SEMA3A: variants seen among roughly 807,000 people sequenced by gnomAD.
SEMA3A encodes the protein semaphorin-3A.
Under a neutral mutation model 97.9 loss-of-function variants are expected in SEMA3A, and 29 were observed. That is an observed-to-expected ratio of 0.30 (90% CI 0.22 to 0.40). The LOEUF is 0.40. SEMA3A is among the 10% of genes least tolerant of loss of function. The pLI is 1.00. For missense variants in SEMA3A, 763 were observed against 951.3 expected (o/e 0.80, Z 2.60); for synonymous variants, 321 against 323.7 (o/e 0.99, Z 0.09).
At chr7:84,212,710 G>C (rs555595176) in intron 3 of SEMA3A, among the ~76,000 whole-genome samples, 1 of 152,158 alleles carries the variant, frequency 6.6e-6, no homozygotes, top group African/African-American at 2.4e-5. Flanking sequence ...TGGATAGGAA[G>C]TTTAAAATGA....
At chr7:84,250,138 G>A (rs1254245009) in intron 3 of SEMA3A, among the ~76,000 whole-genome samples, 3 of 151,712 alleles carry the variant, frequency 2.0e-5, no homozygotes. Context: ...ACTGGTGTGT[G>A]ATTTCTTTTG....
At chr7:84,165,615 C>G (rs1354036988) in intron 1 of SEMA3A, among the ~76,000 whole-genome samples, 1 of 152,068 alleles carries the variant, frequency 6.6e-6, no homozygotes, top group African/African-American at 2.4e-5. Context: ...TGCAGTGTCG[C>G]GATCTCAGCT....
chr7:84,266,513 T>G (rs1800007815), intron 3 of SEMA3A, among the ~76,000 whole-genome samples: 1 of 151,874 alleles, frequency 6.6e-6, no homozygotes, highest in African/African-American at 2.4e-5. Flanking sequence ...AGAAGCCAGA[T>G]TTTGAGTTAA....
intron 11 of SEMA3A, among the ~76,000 whole-genome samples, chr7:84,004,891 G>A (rs1242392338): frequency 6.6e-6 from 1 of 152,100 alleles, no homozygotes; most frequent in African/African-American, 2.4e-5. Flanking sequence ...GGTTTGAACT[G>A]TGTGGGTCCA....
chr7:84,424,231 A>T (rs1341615248), intron 1 of SEMA3A, among the ~76,000 whole-genome samples: 1 of 150,456 alleles, frequency 6.6e-6, no homozygotes, highest in Non-Finnish European at 1.5e-5. Flanking sequence ...GCAAAGATAC[A>T]GGATGACCCT....
chr7:84,055,870 T>C (rs977673758), intron 5 of SEMA3A, among the ~76,000 whole-genome samples: 1 of 152,228 alleles, frequency 6.6e-6, no homozygotes, highest in Non-Finnish European at 1.5e-5. Context: ...TTGAGATACA[T>C]ACTTTAGAGC....
At chr7:84,334,444 T>G (rs891478869) in intron 2 of SEMA3A, among the ~76,000 whole-genome samples, 3 of 152,156 alleles carry the variant, frequency 2.0e-5, no homozygotes, top group African/African-American at 7.2e-5. Flanking sequence ...AATGTATAAT[T>G]ACATAAATAA....
chr7:84,095,358 C>CATATATATATATATATATATATATATAT (rs200107086), intron 4 of SEMA3A, among the ~76,000 whole-genome samples: 1 of 122,902 alleles, frequency 8.1e-6, no homozygotes, highest in Non-Finnish European at 1.6e-5. Context: ...TTTTTATATA[C>CATATATATATATATATATATATATATAT]ATATATATAT....
chr7:84,383,101 A>G (rs941690141), intron 1 of SEMA3A, among the ~76,000 whole-genome samples: 1 of 152,136 alleles, frequency 6.6e-6, no homozygotes, highest in Non-Finnish European at 1.5e-5. Flanking sequence ...GCCTAAGAAG[A>G]TATGAATAAA....
At chr7:84,076,643 T>G (rs1282516278) in intron 4 of SEMA3A, among the ~76,000 whole-genome samples, 1 of 152,154 alleles carries the variant, frequency 6.6e-6, no homozygotes, top group East Asian at 1.9e-4. Flanking sequence ...AACATGGTCT[T>G]CATGTTACAC....
intron 6 of SEMA3A, among the ~76,000 whole-genome samples, chr7:84,023,837 C>T (rs1354340884): frequency 2.6e-5 from 4 of 151,848 alleles, no homozygotes; most frequent in African/African-American, 7.3e-5. Context: ...GGTGAAACCC[C>T]GTCTCTACTA....
intron 2 of SEMA3A, among the ~76,000 whole-genome samples, chr7:84,133,876 T>C (rs1287521367): frequency 1.6e-5 from 2 of 123,706 alleles, no homozygotes; most frequent in African/African-American, 6.4e-5. Flanking sequence ...CGGTGAAACC[T>C]CGTCTCTACT....
chr7:83,972,567 G>A (rs1788962758), intron 15 of SEMA3A, among the ~76,000 whole-genome samples: 2 of 152,006 alleles, frequency 1.3e-5, no homozygotes, highest in Non-Finnish European at 2.9e-5. Flanking sequence ...TTCCCCAAGA[G>A]ATATGATGGG....
At chr7:84,108,978 G>A (rs9770599) in intron 4 of SEMA3A, among the ~76,000 whole-genome samples, 15 of 150,972 alleles carry the variant, frequency 9.9e-5, no homozygotes, top group African/African-American at 3.2e-4. Flanking sequence ...AATTCCTGAC[G>A]CATGTAAAAA....
chr7:84,243,133 G>A (rs1799404172), intron 3 of SEMA3A, among the ~76,000 whole-genome samples: 1 of 152,164 alleles, frequency 6.6e-6, no homozygotes, highest in Non-Finnish European at 1.5e-5. Flanking sequence ...TCTCTGCCAG[G>A]TTTTGGTATC....
intron 7 of SEMA3A, 137 bp downstream of exon 7, chr7:84,014,072 T>C: frequency 1.5e-6 from 1 of 675,272 alleles, no homozygotes; most frequent in Non-Finnish European, 2.5e-6. Context: ...ATTCAATCAT[T>C]ATTTACCATT....
chr7:84,194,675 G>C lies in SEMA3A; in HGVS notation c.-89C>G. ...AGTTCAAACAATCTGGAAACTGGAG[G>C]TAACAGGTGATTTAGGTCAGTTTCA... On this transcript the variant is annotated 5_prime_UTR_variant, in exon 1 of 17. Coordinates refer to ENST00000265362, the MANE Select transcript of SEMA3A (RefSeq NM_006080.3). The C allele has an allele frequency of 1.3e-6, 1 of 791,668 alleles. No individual in the cohort carries two copies. The highest frequency in any genetic ancestry group is 2.2e-6 in the Non-Finnish European group (1 of 459,428). The allele number at this position is 791,668 out of a possible 1,614,324, so 49.0% of individuals were successfully genotyped here. A position where few individuals can be genotyped will look rare whatever the true frequency, so the allele number is the denominator to read the frequency against.
At chr7:84,135,067 T>G (rs780278896) in intron 1 of SEMA3A, 116 bp from the exon 2 acceptor site, 7 of 709,900 alleles carry the variant, frequency 9.9e-6, no homozygotes, top group Non-Finnish European at 1.6e-5. Context: ...TCAGTGCTTA[T>G]TCTTCAGGGT....
intron 1 of SEMA3A, among the ~76,000 whole-genome samples, chr7:84,183,836 C>A (rs1797801123): frequency 6.6e-6 from 1 of 151,978 alleles, no homozygotes; most frequent in Admixed American, 6.6e-5. Flanking sequence ...ATGATATGAA[C>A]AAAAGAGCAT....
Sources: gnomAD v4.1 joint callset for allele counts (sites outside exome capture counted in the v4.1 genomes callset) on GRCh38, gnomAD v4.1.1 for gene constraint, MANE v1.5 for transcripts, NCBI Gene and HGNC (gene_info 2026-07-23, HGNC 2026-07-21) for gene names.